The following AQP1 variants were observed in gnomAD, a reference collection of about 807,000 sequenced individuals.
The protein encoded by AQP1 is aquaporin 1 (Colton blood group), also known as aquaporin-1.
AQP1 carries 11 observed loss-of-function variants against 19.7 expected under a neutral mutation model. The observed-to-expected ratio is 0.56, with a 90% confidence interval of 0.35 to 0.92. The LOEUF is 0.92. AQP1 is among the 40% of genes least tolerant of loss of function. The probability of loss-of-function intolerance (pLI) is 0.01; values close to 1 mark genes in which losing one functional copy is unlikely to be tolerated. For synonymous variants in AQP1, 159 were observed against 166.7 expected (o/e 0.95, Z 0.36); for missense variants, 320 against 369.7 (o/e 0.87, Z 1.10).
rs1791545677 is a variant in AQP1, at chr7:30,922,504, ACT to A, written c.550-53_550-52del. The A allele has an allele frequency of 2.0e-6, 3 of 1,508,588 alleles. No individual in the cohort carries two copies. In the South Asian group the frequency reaches 3.4e-5, roughly 17 times the overall value. 93.5% of individuals were successfully genotyped at this position (1,508,588 alleles called of 1,614,324 possible). A position where few individuals can be genotyped will look rare whatever the true frequency, so the allele number is the denominator to read the frequency against. ...CTCCCTCCAACCTCTCCCTCCTCTC[ACT>A]CTCTCTTCACCTATGACTCTCTGCC... On this transcript the variant is annotated intron_variant, in intron 2 of 3. Coordinates refer to ENST00000311813, the MANE Select transcript of AQP1 (RefSeq NM_198098.4).
rs771517807 is a variant in AQP1 at position 30,921,877 on chromosome 7, G to T, written c.385-189G>T. 11 of 1,534,118 alleles carry T rather than the reference G, an allele frequency of 7.2e-6. No homozygotes were observed. In the South Asian group the frequency reaches 9.7e-5, roughly 13 times the overall value. ...GGCTGGAGTTTCATTAACACAGGGGGTGGGTTCAAGGCCTGATTTCCACTA... is the reference window on the plus strand; with the variant it reads ...GGCTGGAGTTTCATTAACACAGGGGTTGGGTTCAAGGCCTGATTTCCACTA... On this transcript the variant is annotated intron_variant, in intron 1 of 3. Transcript: ENST00000311813.
At chr7:30,914,281 C>T (rs1791255081) in intron 1 of AQP1, among the ~76,000 whole-genome samples, 1 of 152,222 alleles carries the variant, frequency 6.6e-6, no homozygotes, top group South Asian at 2.1e-4. Context: ...GGGTTCAAGA[C>T]GTGTCCACTG....
intron 1 of AQP1, among the ~76,000 whole-genome samples, chr7:30,920,071 C>G (rs1791459425): frequency 6.6e-6 from 1 of 152,166 alleles, no homozygotes; most frequent in South Asian, 2.1e-4. Flanking sequence ...AGCATGTTGT[C>G]TTTGGGTAGG....
Position 30,922,272 on chromosome 7 carries a change from G to A in AQP1, c.549+42G>A. On this transcript the variant is annotated intron_variant, in intron 2 of 3. Transcript: ENST00000311813. ...CCCAGATGGAGGTGGGGGAAGGGAG[G>A]GCGGGGGCTGGTGGGGTGCCCTGCC... The A allele has an allele frequency of 5.2e-6, 8 of 1,540,574 alleles. No homozygotes were observed. In the South Asian group the frequency reaches 8.2e-5, roughly 16 times the overall value.
intron 1 of AQP1, among the ~76,000 whole-genome samples, chr7:30,916,748 A>G (rs1448327723): frequency 6.6e-6 from 1 of 152,232 alleles, no homozygotes; most frequent in Non-Finnish European, 1.5e-5. Context: ...GGGCCCCTTG[A>G]AAGGCAGATT....
At chr7:30,921,048 G>A (rs1584388093) in intron 1 of AQP1, among the ~76,000 whole-genome samples, 1 of 152,330 alleles carries the variant, frequency 6.6e-6, no homozygotes, top group Non-Finnish European at 1.5e-5. Flanking sequence ...GCTGGGAAGT[G>A]TTTGGGTGCA....
chr7:30,913,434 C>T (rs10253374), intron 1 of AQP1: 60,893 of 152,576 alleles, frequency 0.4, 14,467 homozygotes, highest in African/African-American at 0.67. Context: ...GGAGAGAAGC[C>T]AAGGAGCAGA....
intron 3 of AQP1, among the ~76,000 whole-genome samples, chr7:30,922,860 A>G (rs1791560818): frequency 6.6e-6 from 1 of 152,176 alleles, no homozygotes; most frequent in African/African-American, 2.4e-5. Context: ...GCCCTGCCCC[A>G]TGCTGCCTGG....
intron 1 of AQP1, among the ~76,000 whole-genome samples, chr7:30,920,383 C>T (rs1319214753): frequency 6.6e-6 from 1 of 152,176 alleles, no homozygotes; most frequent in Admixed American, 6.5e-5. Flanking sequence ...CTGGCCTCAC[C>T]AGCCTCAACC....
Position 30,912,304 on chromosome 7 carries a change from T to A in AQP1, c.384+11T>A. ...CTTGGCCGCAATGACGTGAGTGGGGTGTCCCTGGGCTTGGGGGGGTTCTAG... is the reference window on the plus strand; with the variant it reads ...CTTGGCCGCAATGACGTGAGTGGGGAGTCCCTGGGCTTGGGGGGGTTCTAG... On this transcript the variant is annotated intron_variant, in intron 1 of 3. Coordinates refer to ENST00000311813, the MANE Select transcript of AQP1 (RefSeq NM_198098.4). This position sits in a 1 kb window ranked among gnomAD's most constrained non-coding sequence, Gnocchi z 4.3. The A allele has an allele frequency of 6.3e-7, 1 of 1,597,878 alleles. No homozygotes were observed. The highest frequency in any genetic ancestry group is 8.5e-7 in the Non-Finnish European group (1 of 1,178,172).
chr7:30,922,315 C>A, intron 2 of AQP1, 85 bp downstream of exon 2: 1 of 1,501,036 alleles, frequency 6.7e-7, no homozygotes, highest in East Asian at 2.5e-5. Context: ...GCCAGTGGGA[C>A]TCCCGACAGG....
Position 30,923,395 on chromosome 7 carries a change from C to T in AQP1, c.631-55C>T, listed in dbSNP as rs969702447. On this transcript the variant is annotated intron_variant, in intron 3 of 3. Transcript: ENST00000311813. This position sits in a 1 kb window ranked among gnomAD's most constrained non-coding sequence, Gnocchi z 4.8. ...GTGGGCTGTGGGGTAACCTAGGGAA[C>T]GCTTCCCAGGGGCTTTTGAGTGGAG... The T allele has an allele frequency of 1.9e-4, 301 of 1,611,688 alleles. 2 individuals carry two copies. The South Asian group carries it at 2.8e-3, about 15-fold the overall frequency.
chr7:30,918,310 T>A (rs1791410863), intron 1 of AQP1, among the ~76,000 whole-genome samples: 2 of 152,194 alleles, frequency 1.3e-5, no homozygotes, highest in African/African-American at 4.8e-5. Context: ...TATAGATTTT[T>A]AAAATGTAAT....
At position 30,924,130 on chromosome 7, in the gene AQP1, C is replaced by T; in HGVS notation, c.*501C>T. On this transcript the variant is annotated 3_prime_UTR_variant, in exon 4 of 4. Transcript: ENST00000311813. ...GTGGAGGGGGCAAGCTTTGCTCCTT[C>T]AGTTCTGCTTGCTCCCAAGCCCCTG... is the stretch of plus-strand genomic sequence containing the variant. 8.4e-7 allele frequency: 1 copy of T among 1,190,346 alleles called. No homozygotes were observed. The highest frequency in any genetic ancestry group is 3.6e-5 in the Admixed American group (1 of 28,018). 73.7% of individuals were successfully genotyped at this position (1,190,346 alleles called of 1,614,324 possible).
rs546847577 is a variant in AQP1 at position 30,922,165 on chromosome 7, C to T, written c.484C>T (p.Arg162Cys). The T allele has an allele frequency of 3.7e-5, 59 of 1,613,466 alleles. 2 individuals are homozygous for T. The highest frequency in any genetic ancestry group is 2.3e-4 in the South Asian group (21 of 91,088). Residue 162 changes from arginine to cysteine, a missense_variant, in exon 2 of 4, where the codon CGT (arginine) becomes TGT (cysteine). By Grantham distance (180) the Arg-to-Cys change is radical (BLOSUM62 -3). Coordinates refer to ENST00000311813, the MANE Select transcript of AQP1 (RefSeq NM_198098.4). ...CVLATTDRRR[R>C]DLGGSAPLAI... ...GCTGGCTACTACCGACCGGAGGCGC[C>T]GTGACCTTGGTGGCTCAGCCCCCCT...
chr7:30,915,885 G>A (rs1476456318), intron 1 of AQP1, among the ~76,000 whole-genome samples: 3 of 152,154 alleles, frequency 2.0e-5, no homozygotes, highest in Non-Finnish European at 2.9e-5. Flanking sequence ...GGGAGGGATG[G>A]GGAAAGGAAG....
Position 30,924,213 on chromosome 7 carries a change from C to T in AQP1, c.*584C>T, listed in dbSNP as rs1224695445. On this transcript the variant is annotated 3_prime_UTR_variant, in exon 4 of 4. Coordinates refer to ENST00000311813, the MANE Select transcript of AQP1 (RefSeq NM_198098.4). ...CGTCCCTATATCAGGGCCTGAGTGA[C>T]CTCCTTCTGCAAAGTGGCAGGGACC... is the stretch of plus-strand genomic sequence containing the variant. The T allele has an allele frequency of 2.0e-5, 17 of 849,008 alleles. No individual in the cohort carries two copies. The highest frequency in any genetic ancestry group is 4.2e-5 in the Admixed American group (1 of 23,600). The allele number at this position is 849,008 out of a possible 1,614,324, so 52.6% of individuals were successfully genotyped here.
intron 1 of AQP1, chr7:30,921,181 G>T: frequency 1.3e-6 from 1 of 784,904 alleles, no homozygotes; most frequent in Non-Finnish European, 1.6e-6. Flanking sequence ...CGGCCACAAA[G>T]CATAGTGGAA....
At position 30,923,974 on chromosome 7, in the gene AQP1, G is replaced by T. The variant is rs749918971; in HGVS notation, c.*345G>T. ...CCCCCTCGCCCCAAAGTTGCTCACC[G>T]ACTCACCTGCGCAAGTGCCTGGGAT... On this transcript the variant is annotated 3_prime_UTR_variant, in exon 4 of 4. Transcript: ENST00000311813. This position sits in a 1 kb window ranked among gnomAD's most constrained non-coding sequence, Gnocchi z 4.8. The T allele has an allele frequency of 7.2e-7, 1 of 1,393,804 alleles. No individual in the cohort carries two copies. Among genetic ancestry groups the T allele is most frequent in the South Asian group, 1.1e-5 (1 of 87,358 alleles). 86.3% of individuals were successfully genotyped at this position (1,393,804 alleles called of 1,614,324 possible).
Sources: gnomAD v4.1 joint callset for allele counts (sites outside exome capture counted in the v4.1 genomes callset) on GRCh38, gnomAD v4.1.1 for gene constraint, Gnocchi (gnomAD v3.1) non-coding constraint, MANE v1.5 for transcripts, NCBI Gene and HGNC (gene_info 2026-07-23, HGNC 2026-07-21) for gene names.